Variants in STK32B observed in about 807,000 individuals in gnomAD.
STK32B encodes serine/threonine kinase 32B.
A neutral mutation model predicts 52.6 loss-of-function variants in STK32B; 43 were observed. That is an observed-to-expected ratio of 0.82 (90% CI 0.64 to 1.05). STK32B has a LOEUF of 1.05. Ranked by LOEUF, STK32B falls within the 50% of genes least tolerant of loss-of-function variation. The pLI is 0.00. For missense variants in STK32B, 621 were observed against 534.6 expected (o/e 1.16, Z -1.59); for synonymous variants, 238 against 204.3 (o/e 1.17, Z -1.41).
chr4:5,341,449 G>A (rs185299549), intron 4 of STK32B, among the ~76,000 whole-genome samples: 45 of 152,288 alleles, frequency 3.0e-4, no homozygotes, highest in African/African-American at 1.1e-3. Context: ...GAGTGTCCCT[G>A]ACCACATTTT....
chr4:5,354,546 G>A (rs894441647), intron 4 of STK32B, among the ~76,000 whole-genome samples: 7 of 152,192 alleles, frequency 4.6e-5, no homozygotes, highest in Admixed American at 4.6e-4. Flanking sequence ...GATTACAGGC[G>A]TGACCACCAC....
At chr4:5,338,995 G>A (rs1447689826) in intron 4 of STK32B, among the ~76,000 whole-genome samples, 3 of 152,166 alleles carry the variant, frequency 2.0e-5, no homozygotes, top group African/African-American at 4.8e-5. Context: ...CCCCAATGTC[G>A]TGGGCATCAA....
chr4:5,326,633 ATACT>A (rs1425764444), intron 3 of STK32B, among the ~76,000 whole-genome samples: 1 of 152,192 alleles, frequency 6.6e-6, no homozygotes, highest in African/African-American at 2.4e-5. Flanking sequence ...AAAAGTGTAC[ATACT>A]TTCATCTAAA....
At chr4:5,242,514 C>A (rs1324121766) in intron 3 of STK32B, among the ~76,000 whole-genome samples, 2 of 152,036 alleles carry the variant, frequency 1.3e-5, no homozygotes, top group Admixed American at 1.3e-4. Flanking sequence ...AAATTTTCTC[C>A]CATTCTGTGG....
the STK32B span, among the ~76,000 whole-genome samples, chr4:5,044,937 A>G: frequency 1.3e-4 from 20 of 152,084 alleles, no homozygotes; most frequent in Non-Finnish European, 5.9e-5. Context: ...AAAAACCAAA[A>G]GCCCAAAATA....
chr4:5,188,321 T>C (rs543100839), intron 3 of STK32B, among the ~76,000 whole-genome samples: 32 of 152,330 alleles, frequency 2.1e-4, no homozygotes, highest in Admixed American at 1.8e-3. Context: ...TACATTTTAA[T>C]GGGAAGTATT....
chr4:5,158,552 C>T (rs924098835), intron 2 of STK32B, among the ~76,000 whole-genome samples: 3 of 152,136 alleles, frequency 2.0e-5, no homozygotes, highest in Non-Finnish European at 4.4e-5. Context: ...AACAGCTCCC[C>T]AGTGCTCTCA....
intron 3 of STK32B, among the ~76,000 whole-genome samples, chr4:5,200,964 T>C (rs541473608): frequency 5.2e-4 from 79 of 152,278 alleles, no homozygotes; most frequent in South Asian, 1.7e-3. Context: ...GTGGTACTTA[T>C]TGGATGGGCG....
chr4:5,353,928 C>G (rs1734010894), intron 4 of STK32B, among the ~76,000 whole-genome samples: 1 of 152,182 alleles, frequency 6.6e-6, no homozygotes, highest in Non-Finnish European at 1.5e-5. Context: ...GGGATACAGG[C>G]ATGCCAATAT....
At chr4:5,208,106 G>T (rs549104928) in intron 3 of STK32B, among the ~76,000 whole-genome samples, 1 of 152,094 alleles carries the variant, frequency 6.6e-6, no homozygotes, top group Non-Finnish European at 1.5e-5. Context: ...TGTCCAGCCT[G>T]GACTGGGAGA....
Position 5,467,914 on chromosome 4 carries a change from T to G in STK32B, c.1042-92T>G. On this transcript the variant is annotated intron_variant, in intron 10 of 11. Coordinates refer to ENST00000282908, the MANE Select transcript of STK32B (RefSeq NM_018401.3). The surrounding 1 kb of genome is among the most constrained non-coding windows in gnomAD (Gnocchi z 5.8). The stretch of plus-strand genomic sequence containing the variant: ...CGGTCCCAAGCATCTGAGGTTTCCA[T>G]CTAGGTCAGTCTGCCGTCCTGTGAT... 1 of 1,428,564 alleles carries G rather than the reference T, an allele frequency of 7.0e-7. No individual in the cohort carries two copies. Among genetic ancestry groups the G allele is most frequent in the Non-Finnish European group, 9.8e-7 (1 of 1,017,086 alleles). 88.5% of individuals were successfully genotyped at this position (1,428,564 alleles called of 1,614,324 possible). A position where few individuals can be genotyped will look rare whatever the true frequency, so the allele number is the denominator to read the frequency against.
chr4:5,043,783 C>G, the STK32B span, among the ~76,000 whole-genome samples: 11 of 152,394 alleles, frequency 7.2e-5, no homozygotes, highest in African/African-American at 2.6e-4. Context: ...AACTTAGTCC[C>G]ATGGCCACTC....
intron 7 of STK32B, among the ~76,000 whole-genome samples, chr4:5,454,474 C>A (rs115627470): frequency 0.01 from 1,529 of 152,112 alleles, 15 homozygotes; most frequent in Non-Finnish European, 0.013. Flanking sequence ...CCCTTTTATA[C>A]GGACTCAGGT....
At chr4:5,115,732 G>A (rs1343048768) in intron 1 of STK32B, among the ~76,000 whole-genome samples, 4 of 152,100 alleles carry the variant, frequency 2.6e-5, no homozygotes, top group African/African-American at 9.7e-5. Flanking sequence ...TGGAAACTTG[G>A]CAATTCATTT....
At chr4:5,210,199 G>T (rs569484484) in intron 3 of STK32B, among the ~76,000 whole-genome samples, 1 of 152,182 alleles carries the variant, frequency 6.6e-6, no homozygotes, top group East Asian at 1.9e-4. Context: ...TGTGCTACAT[G>T]TCCTCTTCCC....
At chr4:5,315,164 A>G (rs1446767565) in intron 3 of STK32B, among the ~76,000 whole-genome samples, 2 of 152,216 alleles carry the variant, frequency 1.3e-5, no homozygotes, top group African/African-American at 2.4e-5. Flanking sequence ...TGAGCAAAAG[A>G]CATGAACAGA....
At chr4:5,122,793 C>A (rs1179079657) in intron 1 of STK32B, among the ~76,000 whole-genome samples, 1 of 152,178 alleles carries the variant, frequency 6.6e-6, no homozygotes, top group East Asian at 1.9e-4. Context: ...GTTGGCCTTG[C>A]TGGACCACTC....
chr4:5,099,432 C>CTGTGTGTGTGTGTGTGTG (rs746438820), intron 1 of STK32B, among the ~76,000 whole-genome samples: 1 of 138,758 alleles, frequency 7.2e-6, no homozygotes, highest in African/African-American at 2.5e-5. Context: ...CTGCAGTCCT[C>CTGTGTGTGTGTGTGTGTG]TGTGTGTGTG....
intron 3 of STK32B, among the ~76,000 whole-genome samples, chr4:5,181,435 T>G (rs1193327548): frequency 6.6e-6 from 1 of 151,770 alleles, no homozygotes; most frequent in Non-Finnish European, 1.5e-5. Flanking sequence ...ATATCCAGCT[T>G]TTAGAACTGT....
Sources: gnomAD v4.1 joint callset for allele counts (sites outside exome capture counted in the v4.1 genomes callset) on GRCh38, gnomAD v4.1.1 for gene constraint, Gnocchi (gnomAD v3.1) non-coding constraint, MANE v1.5 for transcripts, NCBI Gene and HGNC (gene_info 2026-07-23, HGNC 2026-07-21) for gene names.